WNT7B: variants seen among roughly 807,000 people sequenced by gnomAD.
The protein encoded by WNT7B is Wnt family member 7B.
Under a neutral mutation model 38.2 loss-of-function variants are expected in WNT7B, and 19 were observed. That is an observed-to-expected ratio of 0.50 (90% CI 0.35 to 0.73). WNT7B has a LOEUF of 0.73. Ranked by LOEUF, WNT7B falls within the 30% of genes least tolerant of loss-of-function variation. The probability of loss-of-function intolerance (pLI) is 0.01; values close to 1 mark genes in which losing one functional copy is unlikely to be tolerated. For synonymous variants in WNT7B, 243 were observed against 209.3 expected (o/e 1.16, Z -1.39); for missense variants, 423 against 507.9 (o/e 0.83, Z 1.61).
chr22:45,943,012 A>C (rs28616004), intron 2 of WNT7B, among the ~76,000 whole-genome samples: 33,650 of 147,094 alleles, frequency 0.23, 4,137 homozygotes, highest in South Asian at 0.42. Context: ...GTATGTGTGC[A>C]GTGTGCATGT....
intron 2 of WNT7B, among the ~76,000 whole-genome samples, chr22:45,933,173 A>C (rs566822721): frequency 6.6e-6 from 1 of 152,152 alleles, no homozygotes; most frequent in African/African-American, 2.4e-5. Flanking sequence ...GTCTGCCGTC[A>C]TGGAGGGAGC....
At chr22:45,937,623 G>C (rs910113205) in intron 2 of WNT7B, among the ~76,000 whole-genome samples, 1 of 152,228 alleles carries the variant, frequency 6.6e-6, no homozygotes, top group Non-Finnish European at 1.5e-5. Context: ...GGCAGTGCCC[G>C]CCAGCTGCCA....
intron 3 of WNT7B, chr22:45,927,319 G>C (rs1002651624): frequency 1.0e-6 from 1 of 985,300 alleles, no homozygotes; most frequent in Non-Finnish European, 1.2e-6. Context: ...GGGAGCTTGG[G>C]GAAGGGCAGC....
intron 3 of WNT7B, chr22:45,926,219 C>G (rs1931079123): frequency 2.0e-6 from 2 of 985,430 alleles, no homozygotes. Flanking sequence ...CTCCAGTGCC[C>G]TGGGCATTCG....
At chr22:45,936,177 A>G in intron 2 of WNT7B, 1 of 985,352 alleles carries the variant, frequency 1.0e-6, no homozygotes, top group Non-Finnish European at 1.2e-6. Context: ...AGTGCAGGCT[A>G]TCTCTGGTGC....
chr22:45,925,970 C>A (rs1601713738), intron 3 of WNT7B: 1 of 985,360 alleles, frequency 1.0e-6, no homozygotes, highest in East Asian at 1.1e-4. Flanking sequence ...ATCCCTCCCC[C>A]TCCTCCCTCC....
At chr22:45,970,132 C>T (rs938818246) in intron 1 of WNT7B, among the ~76,000 whole-genome samples, 5 of 152,240 alleles carry the variant, frequency 3.3e-5, no homozygotes, top group Admixed American at 1.3e-4. Flanking sequence ...CCCCTCACTC[C>T]GGGAACGTGT....
intron 3 of WNT7B, chr22:45,927,130 A>G (rs138323873): frequency 5.1e-6 from 5 of 985,330 alleles, no homozygotes; most frequent in Non-Finnish European, 6.0e-6. Context: ...TCTTGGGGGC[A>G]TGGCCTCTGT....
At chr22:45,932,526 G>C (rs1339758600) in intron 2 of WNT7B, among the ~76,000 whole-genome samples, 2 of 152,086 alleles carry the variant, frequency 1.3e-5, no homozygotes, top group Non-Finnish European at 2.9e-5. Flanking sequence ...CTTCCATATG[G>C]GTCCGAAGAC....
intron 2 of WNT7B, among the ~76,000 whole-genome samples, chr22:45,942,020 C>T (rs997385486): frequency 1.3e-5 from 2 of 152,064 alleles, no homozygotes; most frequent in Non-Finnish European, 2.9e-5. Context: ...CTGGGGAGCT[C>T]CTTGGTTTTC....
chr22:45,950,112 T>C lies in WNT7B; in HGVS notation c.106A>G (p.Ile36Val). Reference protein sequence around the residue: ...LSSVVALGANIICNKIPGLAP... With the variant: ...LSSVVALGANVICNKIPGLAP... The stretch of plus-strand genomic sequence containing the variant: ...AGGCCAGGAATCTTGTTGCAGATGA[T>C]GTTGGCTCCCAGGGCCACCACGGAT... The change falls in exon 2 of 4, where the codon ATC (isoleucine) becomes GTC (valine). Residue 36 changes from isoleucine (I) to valine (V), a missense_variant. By Grantham distance (29) the Ile-to-Val change is conservative. This residue lies in a region of WNT7B where 133 missense variants were observed against 179.8 expected (regional missense o/e 0.74). Transcript: ENST00000339464. The C allele has an allele frequency of 6.2e-7, 1 of 1,614,022 alleles. No homozygotes were observed. Among genetic ancestry groups the C allele is most frequent in the Non-Finnish European group, 8.5e-7 (1 of 1,180,034 alleles).
At chr22:45,954,863 T>A in intron 1 of WNT7B, 6 of 640,176 alleles carry the variant, frequency 9.4e-6, no homozygotes, top group Non-Finnish European at 9.7e-6. Context: ...CTCACCTTGC[T>A]AGGTGAGTGG....
intron 2 of WNT7B, among the ~76,000 whole-genome samples, chr22:45,941,718 C>T (rs1001853117): frequency 2.6e-5 from 4 of 152,078 alleles, no homozygotes; most frequent in African/African-American, 9.7e-5. Context: ...CGAAGATGTC[C>T]CAGCATTGCC....
chr22:45,926,959 A>G, intron 3 of WNT7B: 1 of 985,446 alleles, frequency 1.0e-6, no homozygotes, highest in Non-Finnish European at 1.2e-6. Flanking sequence ...GACGTGGGAC[A>G]TGGCCAGCTA....
At chr22:45,944,087 G>A (rs1316128319) in intron 2 of WNT7B, among the ~76,000 whole-genome samples, 1 of 152,158 alleles carries the variant, frequency 6.6e-6, no homozygotes, top group Non-Finnish European at 1.5e-5. Flanking sequence ...GGTCCCCAGG[G>A]CACCAGGCTG....
chr22:45,972,516 TCC>T (rs1932470713), intron 1 of WNT7B: 3 of 172,584 alleles, frequency 1.7e-5, no homozygotes, highest in African/African-American at 7.2e-5. Flanking sequence ...TGGACCTCCG[TCC>T]GTCTGTCGGT....
At chr22:45,948,750 G>A (rs1931855361) in intron 2 of WNT7B, among the ~76,000 whole-genome samples, 1 of 151,620 alleles carries the variant, frequency 6.6e-6, no homozygotes, top group Non-Finnish European at 1.5e-5. Flanking sequence ...TGGGGAAGCT[G>A]AGGCCCTGAG....
At position 45,923,153 on chromosome 22, in the gene WNT7B, G is replaced by T; in HGVS notation, c.753C>A (p.Phe251Leu). 6.2e-7 allele frequency: 1 copy of T among 1,613,560 alleles called. No individual in the cohort carries two copies. The highest frequency in any genetic ancestry group is 8.5e-7 in the Non-Finnish European group (1 of 1,180,008). Residue 251 changes from phenylalanine (F) to leucine (L), a missense_variant, in exon 4 of 4, where the codon TTC (phenylalanine) becomes TTA (leucine). This residue lies in a region of WNT7B where 158 missense variants were observed against 214.7 expected (regional missense o/e 0.74). Coordinates refer to ENST00000339464, the MANE Select transcript of WNT7B (RefSeq NM_058238.3). ...AGCTGCGCAGCTGTTTGATGCGCAG[G>T]AAGGTGGGCTGCCGCAGACGGCTGG... ...VRASRLRQPT[F>L]LRIKQLRSYQ...
rs191521410 is a variant in WNT7B, at chr22:45,945,072, A to G, written c.298+4848T>C. On this transcript the variant is annotated intron_variant, in intron 2 of 3. Coordinates refer to ENST00000339464, the MANE Select transcript of WNT7B (RefSeq NM_058238.3). ...TAGCCACATTAAGAAAAGTGAAAAT[A>G]ATTTTGGTGAACTTAATTTTTTTTT... 2.3e-4 allele frequency among the ~76,000 whole-genome samples: 35 copies of G among 152,014 alleles called. No homozygotes were observed. In the South Asian group the frequency reaches 5.0e-3, roughly 22 times the overall value.
Sources: allele counts gnomAD v4.1 joint callset (sites outside exome capture counted in the v4.1 genomes callset), GRCh38; gene constraint gnomAD v4.1.1; regional missense constraint gnomAD v4.1.1; transcripts MANE v1.5; gene names NCBI Gene and HGNC (gene_info 2026-07-23, HGNC 2026-07-21).